KIF16B: variants seen among roughly 807,000 people sequenced by gnomAD.
KIF16B encodes the protein kinesin-like protein KIF16B.
In KIF16B, 98 loss-of-function variants were observed where a neutral mutation model predicts 156.3. That is an observed-to-expected ratio of 0.63 (90% CI 0.53 to 0.74). The LOEUF is 0.74. KIF16B is among the 30% of genes least tolerant of loss of function. The pLI, the probability that KIF16B is intolerant of heterozygous loss-of-function variation, is 0.00. For synonymous variants in KIF16B, 564 were observed against 583.7 expected (o/e 0.97, Z 0.49); for missense variants, 1,421 against 1,606.5 (o/e 0.88, Z 1.97).
At chr20:16,420,733 C>T (rs1440300895) in intron 15 of KIF16B, among the ~76,000 whole-genome samples, 1 of 152,006 alleles carries the variant, frequency 6.6e-6, no homozygotes, top group Non-Finnish European at 1.5e-5. Flanking sequence ...TTGATCTAAT[C>T]AATGGGCCAA....
At position 16,404,797 on chromosome 20, in the gene KIF16B, G is replaced by A. The variant is rs763383287; in HGVS notation, c.1784+16C>T. On this transcript the variant is annotated intron_variant, in intron 17 of 25. Transcript: ENST00000354981. ...AAGTGATCATCACAGGGAAGGAGAT[G>A]CTGCTGTTCACTCACCCGGGGTTAT... The A allele has an allele frequency of 3.8e-6, 6 of 1,569,508 alleles. No homozygotes were observed. In the South Asian group the frequency reaches 5.5e-5, roughly 15 times the overall value.
chr20:16,518,174 ACC>A (rs1443745210), intron 3 of KIF16B, among the ~76,000 whole-genome samples: 1 of 152,038 alleles, frequency 6.6e-6, no homozygotes, highest in Non-Finnish European at 1.5e-5. Flanking sequence ...CAAATAACCC[ACC>A]CAAACTTGGC....
intron 17 of KIF16B, among the ~76,000 whole-genome samples, chr20:16,398,282 G>A (rs1041258458): frequency 3.3e-5 from 5 of 152,196 alleles, no homozygotes; most frequent in Non-Finnish European, 4.4e-5. Flanking sequence ...ATAAAGTTCC[G>A]AGTGGAGAGT....
chr20:16,285,246 A>G (rs1237854310), intron 25 of KIF16B, among the ~76,000 whole-genome samples: 1 of 152,210 alleles, frequency 6.6e-6, no homozygotes, highest in Non-Finnish European at 1.5e-5. Flanking sequence ...AGTTCTGAGC[A>G]TAGAGTATGC....
chr20:16,542,926 C>T (rs969562413), intron 1 of KIF16B, among the ~76,000 whole-genome samples: 2 of 152,146 alleles, frequency 1.3e-5, no homozygotes, highest in Non-Finnish European at 2.9e-5. Flanking sequence ...GGCAGTCTAG[C>T]AAGGAGACCA....
intron 7 of KIF16B, among the ~76,000 whole-genome samples, chr20:16,507,099 C>CA (rs1555790010): frequency 0.01 from 1,289 of 124,616 alleles, 12 homozygotes; most frequent in Non-Finnish European, 0.017. Flanking sequence ...AATCATGTCT[C>CA]AAAAAAAAAA....
intron 25 of KIF16B, among the ~76,000 whole-genome samples, chr20:16,279,892 C>T (rs6111009): frequency 1.3e-5 from 2 of 152,176 alleles, no homozygotes; most frequent in African/African-American, 4.8e-5. Flanking sequence ...AATGAACTCC[C>T]TACAGCAATA....
chr20:16,410,166 G>C (rs1242309630), intron 15 of KIF16B, among the ~76,000 whole-genome samples: 3 of 135,494 alleles, frequency 2.2e-5, no homozygotes, highest in East Asian at 2.1e-4. Flanking sequence ...CATATATGTA[G>C]GTACATATAT....
chr20:16,396,174 T>G (rs1183612378), intron 17 of KIF16B, among the ~76,000 whole-genome samples: 1 of 152,102 alleles, frequency 6.6e-6, no homozygotes, highest in Non-Finnish European at 1.5e-5. Context: ...TCGATTTGCA[T>G]AGGAGCGCAA....
At chr20:16,491,619 C>T (rs574205665) in intron 12 of KIF16B, among the ~76,000 whole-genome samples, 69 of 152,246 alleles carry the variant, frequency 4.5e-4, no homozygotes, top group African/African-American at 1.5e-3. Flanking sequence ...AAGTAGGGTA[C>T]GTGGCAGTTA....
chr20:16,348,294 G>A (rs1267382845), intron 23 of KIF16B, among the ~76,000 whole-genome samples: 1 of 152,210 alleles, frequency 6.6e-6, no homozygotes, highest in Non-Finnish European at 1.5e-5. Context: ...AAATGAGTAA[G>A]TAAGGGAACA....
chr20:16,365,794 T>G (rs6111075), intron 22 of KIF16B, among the ~76,000 whole-genome samples: 103,140 of 152,098 alleles, frequency 0.68, 36,191 homozygotes, highest in East Asian at 0.97. Flanking sequence ...CTTATCCAAA[T>G]ATTTGACCAG....
At chr20:16,534,846 T>C (rs550967117) in intron 1 of KIF16B, among the ~76,000 whole-genome samples, 6 of 152,314 alleles carry the variant, frequency 3.9e-5, no homozygotes, top group African/African-American at 1.2e-4. Flanking sequence ...TCTGCTCCAT[T>C]GGTCCATGTG....
intron 1 of KIF16B, among the ~76,000 whole-genome samples, chr20:16,563,327 T>C (rs545895892): frequency 6.6e-6 from 1 of 152,306 alleles, no homozygotes; most frequent in East Asian, 1.9e-4. Flanking sequence ...TCCCCTGTCT[T>C]TTTATAACCT....
At position 16,505,797 on chromosome 20, in the gene KIF16B, G is replaced by C. The variant is rs776431385; in HGVS notation, c.925C>G (p.Pro309Ala). The C allele has an allele frequency of 2.5e-6, 4 of 1,613,502 alleles. No individual in the cohort carries two copies. The African/African-American group carries it at 5.3e-5, about 22-fold the overall frequency. The change falls in exon 9 of 26, where the codon CCT (proline) becomes GCT (alanine). Residue 309 changes from proline to alanine, a missense_variant. Transcript: ENST00000354981. ...TLAKKKQVFV[P>A]YRDSVLTWLL... ...CAAGTCAACACAGAATCCCTGTAAG[G>C]CACGAAAACTTGCTTCTTCTTTGCA...
At chr20:16,573,197 C>A in intron 1 of KIF16B, 32 bp downstream of exon 1, 1 of 1,548,830 alleles carries the variant, frequency 6.5e-7, no homozygotes, top group Non-Finnish European at 8.8e-7. Flanking sequence ...GGGGGCGCGA[C>A]GAGGGGGCGG....
intron 12 of KIF16B, among the ~76,000 whole-genome samples, chr20:16,469,421 A>AG (rs201491106): frequency 0.016 from 2,492 of 152,176 alleles, 40 homozygotes; most frequent in Non-Finnish European, 0.02. Flanking sequence ...AGAGAATTGA[A>AG]GAAATATTTT....
chr20:16,395,612 C>T (rs559098933), intron 17 of KIF16B, among the ~76,000 whole-genome samples: 20 of 152,026 alleles, frequency 1.3e-4, no homozygotes, highest in Non-Finnish European at 2.5e-4. Context: ...ACCAGGAAGG[C>T]GGATGCTAAT....
At chr20:16,358,006 G>A (rs1433890335) in intron 22 of KIF16B, among the ~76,000 whole-genome samples, 1 of 152,098 alleles carries the variant, frequency 6.6e-6, no homozygotes, top group African/African-American at 2.4e-5. Context: ...TGGCTAACAT[G>A]GTGCAGGCCT....
Sources: gnomAD v4.1 joint callset for allele counts (sites outside exome capture counted in the v4.1 genomes callset) on GRCh38, gnomAD v4.1.1 for gene constraint, MANE v1.5 for transcripts, NCBI Gene and HGNC (gene_info 2026-07-23, HGNC 2026-07-21) for gene names.